The following SCHIP1 variants were observed in gnomAD, a reference collection of about 807,000 sequenced individuals.
The protein encoded by SCHIP1 is schwannomin interacting protein 1.
SCHIP1 carries 8 observed loss-of-function variants against 29.7 expected under a neutral mutation model. The observed-to-expected ratio is 0.27, with a 90% confidence interval of 0.16 to 0.49. The LOEUF (loss-of-function observed/expected upper bound fraction) is 0.49, where lower values mean the gene tolerates loss of function less well. Among genes scored for constraint, SCHIP1 ranks in the 20% least tolerant of loss-of-function variants. The probability of loss-of-function intolerance (pLI) is 0.99; values close to 1 mark genes in which losing one functional copy is unlikely to be tolerated. For synonymous variants in SCHIP1, 76 were observed against 94.9 expected (o/e 0.80, Z 1.16); for missense variants, 193 against 294.6 (o/e 0.66, Z 2.52).
upstream of SCHIP1, among the ~76,000 whole-genome samples, chr3:159,837,451 G>A (rs746533820): frequency 2.0e-5 from 3 of 152,094 alleles, no homozygotes; most frequent in Non-Finnish European, 4.4e-5. Context: ...GGCTGGACAC[G>A]GTGGCTCAGG....
the SCHIP1 span, among the ~76,000 whole-genome samples, chr3:159,638,788 A>T: frequency 6.6e-6 from 1 of 152,098 alleles, no homozygotes; most frequent in Non-Finnish European, 1.5e-5. Flanking sequence ...ATATTCATTT[A>T]TATATTACAT....
At chr3:159,690,483 T>C in the SCHIP1 span, among the ~76,000 whole-genome samples, 1 of 152,210 alleles carries the variant, frequency 6.6e-6, no homozygotes, top group Non-Finnish European at 1.5e-5. Flanking sequence ...GATTCTTCTC[T>C]CTTTTCTCCT....
chr3:159,417,255 G>A, the SCHIP1 span, among the ~76,000 whole-genome samples: 42 of 152,298 alleles, frequency 2.8e-4, no homozygotes, highest in Middle Eastern at 6.8e-3. Context: ...TTAGCACAAG[G>A]ATCTGGAGGA....
At chr3:159,837,754 G>A (rs1743808633), upstream of SCHIP1, among the ~76,000 whole-genome samples, 1 of 151,916 alleles carries the variant, frequency 6.6e-6, no homozygotes, top group Admixed American at 6.6e-5. Context: ...GAACCTTGTT[G>A]GGTGGTTGTA....
At chr3:159,831,731 G>A in the SCHIP1 span, among the ~76,000 whole-genome samples, 1 of 152,120 alleles carries the variant, frequency 6.6e-6, no homozygotes, top group Non-Finnish European at 1.5e-5. Context: ...GACAAAGAGA[G>A]GATTCACATC....
At chr3:159,857,715 A>C (rs1377216984) in intron 1 of SCHIP1, among the ~76,000 whole-genome samples, 1 of 149,830 alleles carries the variant, frequency 6.7e-6, no homozygotes, top group Admixed American at 6.7e-5. Context: ...TACCTTCCCC[A>C]CCCCTTCCTT....
the SCHIP1 span, among the ~76,000 whole-genome samples, chr3:159,579,484 G>A: frequency 5.9e-5 from 9 of 152,218 alleles, 1 homozygote; most frequent in South Asian, 1.0e-3. Context: ...GAAGACATTC[G>A]TGAGAGCTGA....
the SCHIP1 span, among the ~76,000 whole-genome samples, chr3:159,372,330 C>G: frequency 6.6e-6 from 1 of 152,098 alleles, no homozygotes; most frequent in Middle Eastern, 3.4e-3. Context: ...CAAATTAAAG[C>G]TGAAAATGGA....
the SCHIP1 span, among the ~76,000 whole-genome samples, chr3:159,458,721 A>G: frequency 2.0e-5 from 3 of 152,232 alleles, no homozygotes; most frequent in South Asian, 4.1e-4. Context: ...AGAGAAGAAC[A>G]GTTCATGACA....
the SCHIP1 span, among the ~76,000 whole-genome samples, chr3:159,345,562 C>G: frequency 1.3e-5 from 2 of 151,682 alleles, no homozygotes; most frequent in African/African-American, 4.8e-5. Context: ...CTTTCTCTCT[C>G]TCTCTCTCTC....
At chr3:159,743,624 GTT>G in the SCHIP1 span, among the ~76,000 whole-genome samples, 6 of 152,298 alleles carry the variant, frequency 3.9e-5, no homozygotes, top group African/African-American at 1.4e-4. Flanking sequence ...AAACTCATTA[GTT>G]TGAATCAAGT....
chr3:159,828,380 TATATATAC>T, the SCHIP1 span, among the ~76,000 whole-genome samples: 121 of 74,498 alleles, frequency 1.6e-3, 1 homozygote, highest in East Asian at 0.017. Flanking sequence ...TATATACATA[TATATATAC>T]ATATATACGT....
chr3:159,876,108 A>G (rs1577474857), intron 2 of SCHIP1, among the ~76,000 whole-genome samples: 1 of 152,226 alleles, frequency 6.6e-6, no homozygotes, highest in African/African-American at 2.4e-5. Context: ...TGAAAACACT[A>G]TAAAAAGCTC....
chr3:159,491,684 G>A, the SCHIP1 span, among the ~76,000 whole-genome samples: 2,382 of 152,108 alleles, frequency 0.016, 71 homozygotes, highest in African/African-American at 0.055. Context: ...TGGTGGCAGG[G>A]CACAGACAAA....
intron 6 of SCHIP1, among the ~76,000 whole-genome samples, chr3:159,895,398 G>A (rs1223796030): frequency 6.6e-6 from 1 of 152,128 alleles, no homozygotes; most frequent in Non-Finnish European, 1.5e-5. Flanking sequence ...CCCAAGTCCA[G>A]GCAGCACACA....
the SCHIP1 span, among the ~76,000 whole-genome samples, chr3:159,668,920 A>G: frequency 1.3e-5 from 2 of 151,978 alleles, no homozygotes; most frequent in Non-Finnish European, 2.9e-5. Context: ...GAAAAAAAAA[A>G]TTATGAGACA....
intron 2 of SCHIP1, among the ~76,000 whole-genome samples, chr3:159,879,620 A>C (rs1431894177): frequency 1.3e-5 from 2 of 152,214 alleles, no homozygotes; most frequent in African/African-American, 4.8e-5. Flanking sequence ...TATTCCTCGT[A>C]TCAGAAGAGG....
chr3:159,519,974 C>T, the SCHIP1 span, among the ~76,000 whole-genome samples: 1 of 151,872 alleles, frequency 6.6e-6, no homozygotes, highest in African/African-American at 2.4e-5. Context: ...CACAACCCTC[C>T]ATGGCAAAGT....
intron 1 of SCHIP1, among the ~76,000 whole-genome samples, chr3:159,846,572 GT>G (rs1245145804): frequency 6.6e-6 from 1 of 152,146 alleles, no homozygotes; most frequent in Non-Finnish European, 1.5e-5. Flanking sequence ...TTTAAGCCTG[GT>G]TTCTTCCACA....
Sources: allele counts gnomAD v4.1 joint callset (sites outside exome capture counted in the v4.1 genomes callset), GRCh38; gene constraint gnomAD v4.1.1; transcripts MANE v1.5; gene names NCBI Gene and HGNC (gene_info 2026-07-23, HGNC 2026-07-21).